Variants in MORN2 observed in about 807,000 individuals in gnomAD.
MORN2 encodes the protein MORN repeat containing 2, also known as MORN repeat-containing protein 2.
MORN2 carries 15 observed loss-of-function variants against 13.4 expected under a neutral mutation model. That is an observed-to-expected ratio of 1.12 (90% confidence interval 0.75 to 1.72). The LOEUF is 1.72. Ranked by LOEUF, MORN2 falls within the 40% of genes most tolerant of loss-of-function variation. MORN2 has a pLI of 0.00. For missense variants in MORN2, 168 were observed against 134.6 expected, an observed-to-expected ratio of 1.25 and a Z score of -1.23; for synonymous variants, 46 against 43.6, an observed-to-expected ratio of 1.06 and a Z score of -0.22.
rs767803580 is a variant in MORN2, at chr2:38,880,656, C to G, written c.166C>G (p.His56Asp). Reference sequence around the variant, plus strand: ...CTACGAGAGAAATGGAATAGGTATTCATACCACTCCTAATGGGATTGTCTA... The same window carrying G: ...CTACGAGAGAAATGGAATAGGTATTGATACCACTCCTAATGGGATTGTCTA... Residue 56 changes from histidine (H) to aspartate (D), a missense_variant, in exon 3 of 5, where the codon CAT (histidine) becomes GAT (aspartate). By Grantham distance (81) the His-to-Asp change is moderately conservative. Transcript: ENST00000644631. 3.2e-6 allele frequency: 5 copies of G among 1,548,634 alleles called. No individual in the cohort carries two copies. Among genetic ancestry groups the G allele is most frequent in the Admixed American group, 2.0e-5 (1 of 50,740 alleles).
Position 38,876,744 on chromosome 2 carries a change from T to C in MORN2, c.58+634T>C, listed in dbSNP as rs147488405. 3.6e-3 allele frequency among the ~76,000 whole-genome samples: 545 copies of C among 152,210 alleles called. 4 individuals carry two copies. The highest frequency in any genetic ancestry group is 0.012 in the African/African-American group (518 of 41,526). On this transcript the variant is annotated intron_variant, in intron 1 of 4. Coordinates refer to ENST00000644631, the MANE Select transcript of MORN2 (RefSeq NM_001145450.3). ...TGACAAGTAATGAGAAGAAAGGCTT[T>C]GTGGGAGAGCTCATACCTGAGCTGG...
intron 3 of MORN2, among the ~76,000 whole-genome samples, 189 bp from the exon 4 acceptor site, chr2:38,881,253 T>G (rs761790334): frequency 1.3e-5 from 2 of 152,202 alleles, no homozygotes; most frequent in Non-Finnish European, 2.9e-5. Context: ...TTTAATTTAC[T>G]GGGCTTCACA....
chr2:38,880,518 A>G, intron 2 of MORN2, 82 bp from the exon 3 acceptor site: 1 of 800,584 alleles, frequency 1.2e-6, no homozygotes, highest in Non-Finnish European at 1.8e-6. Context: ...AGGGAGCCAA[A>G]GAAACCCATG....
intron 4 of MORN2, 46 bp downstream of exon 4, chr2:38,881,624 T>G: frequency 7.3e-7 from 1 of 1,362,618 alleles, no homozygotes; most frequent in Non-Finnish European, 9.8e-7. Context: ...AAAAGATTAT[T>G]TTCTGGTATG....
chr2:38,882,264 T>A, intron 4 of MORN2, 149 bp from the exon 5 acceptor site: 1 of 295,224 alleles, frequency 3.4e-6, no homozygotes, highest in Non-Finnish European at 6.2e-6. Flanking sequence ...TTTGGTAGGA[T>A]ATGAAAGCAG....
chr2:38,881,176 A>G (rs1367478965), intron 3 of MORN2, among the ~76,000 whole-genome samples: 1 of 152,178 alleles, frequency 6.6e-6, no homozygotes, highest in African/African-American at 2.4e-5. Flanking sequence ...CATTCAGGGT[A>G]TCTTGAGGAC....
Position 38,880,239 on chromosome 2 carries a change from C to T in MORN2, c.109+10C>T, listed in dbSNP as rs1182940741. 4.0e-5 allele frequency: 16 copies of T among 399,146 alleles called. No homozygotes were observed. The highest frequency in any genetic ancestry group is 1.3e-4 in the Admixed American group (3 of 22,742). 24.7% of individuals were successfully genotyped at this position (399,146 alleles called of 1,614,324 possible). A position where few individuals can be genotyped will look rare whatever the true frequency, so the allele number is the denominator to read the frequency against. ...AATGGAGACAAGTATGGTAAGTATA[C>T]GCTTCAATTACTTTTTCTGTATAGA... On this transcript the variant is annotated intron_variant, in intron 2 of 4. Coordinates refer to ENST00000644631, the MANE Select transcript of MORN2 (RefSeq NM_001145450.3).
rs537015002 is a variant in MORN2 at position 38,879,675 on chromosome 2, C to T, written c.59-504C>T. ...TGAGGGGAATCATAATGGGTAACTGCTAATGTGTACAGAGTTTCTTTCTGG... is the reference window on the plus strand; with the variant it reads ...TGAGGGGAATCATAATGGGTAACTGTTAATGTGTACAGAGTTTCTTTCTGG... On this transcript the variant is annotated intron_variant, in intron 1 of 4. Coordinates refer to ENST00000644631, the MANE Select transcript of MORN2 (RefSeq NM_001145450.3). Among the ~76,000 whole-genome samples the T allele has an allele frequency of 2.0e-5, 3 of 152,076 alleles. No homozygotes were observed. In the South Asian group the frequency reaches 6.2e-4, roughly 32 times the overall value.
In MORN2 at chr2:38,876,047, G is replaced by T. The variant is rs558846415; in HGVS notation, c.-6G>T. The T allele has an allele frequency of 1.5e-5, 6 of 398,730 alleles. No homozygotes were observed. Among genetic ancestry groups the T allele is most frequent in the East Asian group, 3.6e-5 (1 of 28,072 alleles). The allele number at this position is 398,730 out of a possible 1,614,324, so 24.7% of individuals were successfully genotyped here. On this transcript the variant is annotated 5_prime_UTR_variant, in exon 1 of 5. Coordinates refer to ENST00000644631, the MANE Select transcript of MORN2 (RefSeq NM_001145450.3). The stretch of plus-strand genomic sequence containing the variant: ...CCTAGCGCCTAGTTCTCTCCCGGCC[G>T]CAGAGCTGGCCGCCCAGGGGGAGTC...
intron 4 of MORN2, 89 bp from the exon 5 acceptor site, chr2:38,882,324 A>G (rs1408398691): frequency 1.5e-6 from 1 of 683,174 alleles, no homozygotes; most frequent in Non-Finnish European, 2.3e-6. Context: ...TAATCTTCAG[A>G]CATAGTATAT....
intron 1 of MORN2, 121 bp downstream of exon 1, chr2:38,876,231 C>T (rs909536726): frequency 2.8e-5 from 11 of 396,928 alleles, no homozygotes; most frequent in Non-Finnish European, 3.6e-5. Flanking sequence ...ATTTCCTGAC[C>T]GTCTAGCCGA....
intron 3 of MORN2, 35 bp from the exon 4 acceptor site, chr2:38,881,406 AT>A: frequency 1.3e-6 from 2 of 1,508,618 alleles, no homozygotes; most frequent in South Asian, 1.3e-5. Flanking sequence ...GAAACTGAAG[AT>A]TAGTTTCTAA....
chr2:38,878,600 G>T (rs941964261), intron 1 of MORN2, among the ~76,000 whole-genome samples: 1 of 151,694 alleles, frequency 6.6e-6, no homozygotes, highest in African/African-American at 2.4e-5. Flanking sequence ...TCAACCTAAT[G>T]TTCCAGTTCA....
chr2:38,880,855 T>G, intron 3 of MORN2, 149 bp downstream of exon 3: 1 of 886,942 alleles, frequency 1.1e-6, no homozygotes. Context: ...TATTAACTTA[T>G]GAGTAATATT....
At position 38,881,591 on chromosome 2, in the gene MORN2, T is replaced by TA. The variant is rs537913976; in HGVS notation, c.353+22dup. The stretch of plus-strand genomic sequence containing the variant: ...TCAATGAAAATAGGTAAGCTTAAAA[T>TA]AAAAAAAAATCACTGCATTTCTAAA... On this transcript the variant is annotated intron_variant, in intron 4 of 4. Transcript: ENST00000644631. 1,213 of 1,473,764 alleles carry TA rather than the reference T, an allele frequency of 8.2e-4. 1 individual carries two copies. The highest frequency in any genetic ancestry group is 1.2e-3 in the Admixed American group (42 of 35,180). 91.3% of individuals were successfully genotyped at this position (1,473,764 alleles called of 1,614,324 possible).
intron 1 of MORN2, among the ~76,000 whole-genome samples, chr2:38,879,800 G>A (rs1665735487): frequency 6.6e-6 from 1 of 152,036 alleles, no homozygotes; most frequent in South Asian, 2.1e-4. Flanking sequence ...TAGATTTTGT[G>A]GTGTGTGAAT....
intron 1 of MORN2, 68 bp downstream of exon 1, chr2:38,876,178 A>G (rs1572726334): frequency 5.0e-6 from 2 of 398,690 alleles, no homozygotes; most frequent in East Asian, 3.6e-5. Context: ...GCGTGGAGTC[A>G]GAACCTGCTT....
Position 38,880,687 on chromosome 2 carries a change from G to A in MORN2, c.197G>A (p.Gly66Glu). ...ACTCCTAATGGGATTGTCTACACAGGAAGCTGGAAAGATGACAAGGTATTA... is the reference window on the plus strand; with the variant it reads ...ACTCCTAATGGGATTGTCTACACAGAAAGCTGGAAAGATGACAAGGTATTA... The change falls in exon 3 of 5, where the codon GGA (glycine) becomes GAA (glutamate). Residue 66 changes from glycine to glutamate, a missense_variant. By Grantham distance (98) the Gly-to-Glu change is moderately conservative (BLOSUM62 -2). Transcript: ENST00000644631. The A allele has an allele frequency of 6.5e-7, 1 of 1,550,108 alleles. No individual in the cohort carries two copies. The highest frequency in any genetic ancestry group is 1.2e-5 in the South Asian group (1 of 83,936).
chr2:38,877,149 C>G (rs1398733681), intron 1 of MORN2, among the ~76,000 whole-genome samples: 3 of 152,104 alleles, frequency 2.0e-5, no homozygotes, highest in Admixed American at 6.6e-5. Flanking sequence ...GCCTGTAGTT[C>G]CAGCTACTTG....
Sources: gnomAD v4.1 joint callset for allele counts (sites outside exome capture counted in the v4.1 genomes callset) on GRCh38, gnomAD v4.1.1 for gene constraint, MANE v1.5 for transcripts, NCBI Gene and HGNC (gene_info 2026-07-23, HGNC 2026-07-21) for gene names.